Variants in RBFOX1 observed in about 807,000 individuals in gnomAD.
The protein encoded by RBFOX1 is RNA binding protein fox-1 homolog 1.
Under a neutral mutation model 57.7 loss-of-function variants are expected in RBFOX1, and 8 were observed. The ratio of observed to expected loss-of-function variants is 0.14; its 90% CI spans 0.08 to 0.25. The LOEUF (loss-of-function observed/expected upper bound fraction) is 0.25, where lower values mean the gene tolerates loss of function less well. RBFOX1 is among the 10% of genes least tolerant of loss of function. RBFOX1 has a pLI of 1.00. For missense variants in RBFOX1, 611 were observed against 548.5 expected, an observed-to-expected ratio of 1.11 and a Z score of -1.14; for synonymous variants, 326 against 222.4, an observed-to-expected ratio of 1.47 and a Z score of -4.15.
Position 6,780,385 on chromosome 16 carries a change from A to T in RBFOX1, c.-16+125735A>T, listed in dbSNP as rs1229835911. Among the ~76,000 whole-genome samples, 412 of 83,426 alleles carry T rather than the reference A, an allele frequency of 4.9e-3. 44 individuals are homozygous for T. The highest frequency in any genetic ancestry group is 0.023 in the African/African-American group (398 of 17,676). The allele number at this position is 83,426 out of a possible 152,430, so 54.7% of individuals were successfully genotyped here. On this transcript the variant is annotated intron_variant, in intron 3 of 15. Coordinates refer to ENST00000550418, the MANE Select transcript of RBFOX1 (RefSeq NM_018723.4). Reference sequence around the variant, plus strand: ...TACATATTTATAGATATATTTATACATATTATATATATTTTTATATATATT... The same window carrying T: ...TACATATTTATAGATATATTTATACTTATTATATATATTTTTATATATATT...
At chr16:6,421,032 G>T (rs1382247241) in intron 2 of RBFOX1, among the ~76,000 whole-genome samples, 1 of 152,148 alleles carries the variant, frequency 6.6e-6, no homozygotes, top group East Asian at 1.9e-4. Context: ...ATTCCTCAAT[G>T]GCTAATTGCT....
intron 4 of RBFOX1, among the ~76,000 whole-genome samples, chr16:7,065,126 G>T (rs1308812083): frequency 6.6e-6 from 1 of 152,212 alleles, no homozygotes; most frequent in Non-Finnish European, 1.5e-5. Context: ...GACCAATTCT[G>T]TATGGAGACG....
At chr16:7,583,638 C>T (rs762517972) in intron 6 of RBFOX1, among the ~76,000 whole-genome samples, 5 of 152,138 alleles carry the variant, frequency 3.3e-5, no homozygotes, top group Non-Finnish European at 5.9e-5. Flanking sequence ...CTCAAATTTA[C>T]ACAACACCCT....
intron 2 of RBFOX1, among the ~76,000 whole-genome samples, chr16:6,464,113 G>A (rs780431203): frequency 1.3e-5 from 2 of 152,178 alleles, no homozygotes; most frequent in Non-Finnish European, 2.9e-5. Flanking sequence ...TCATCGAAAT[G>A]TGGGCCACAT....
At chr16:7,108,033 G>A (rs978202722) in intron 4 of RBFOX1, among the ~76,000 whole-genome samples, 1 of 151,938 alleles carries the variant, frequency 6.6e-6, no homozygotes, top group Non-Finnish European at 1.5e-5. Context: ...GGGGGAGAGG[G>A]TAGAGAGGTG....
chr16:7,131,990 T>C (rs1404448606), intron 4 of RBFOX1, among the ~76,000 whole-genome samples: 1 of 117,978 alleles, frequency 8.5e-6, no homozygotes, highest in Non-Finnish European at 1.7e-5. Flanking sequence ...AGAGTCCTTT[T>C]TTTCTTTCTT....
At chr16:7,317,974 G>A (rs1401757473) in intron 4 of RBFOX1, among the ~76,000 whole-genome samples, 2 of 152,112 alleles carry the variant, frequency 1.3e-5, no homozygotes, top group South Asian at 2.1e-4. Flanking sequence ...GGTGGTGATG[G>A]TGGTGGTGAT....
intron 1 of RBFOX1, among the ~76,000 whole-genome samples, chr16:6,160,323 T>G (rs1353310831): frequency 6.6e-6 from 1 of 152,180 alleles, no homozygotes; most frequent in Non-Finnish European, 1.5e-5. Context: ...TATATATAGA[T>G]AGTAAAGTGG....
intron 14 of RBFOX1, among the ~76,000 whole-genome samples, chr16:7,701,596 C>T (rs915296523): frequency 2.0e-5 from 3 of 152,172 alleles, no homozygotes; most frequent in Non-Finnish European, 2.9e-5. Context: ...AGGCCAGGGA[C>T]TTCTCCTCTA....
At position 7,418,518 on chromosome 16, in the gene RBFOX1, C is replaced by T. The variant is rs150748164; in HGVS notation, c.28-99629C>T. Reference sequence around the variant, plus strand: ...CTGCCTGACACAACATTTCTGTTTTCCTGATGGCTTATCTGATGCCATTAA... The same window carrying T: ...CTGCCTGACACAACATTTCTGTTTTTCTGATGGCTTATCTGATGCCATTAA... On this transcript the variant is annotated intron_variant, in intron 4 of 15. Coordinates refer to ENST00000550418, the MANE Select transcript of RBFOX1 (RefSeq NM_018723.4). Among the ~76,000 whole-genome samples the T allele has an allele frequency of 9.7e-4, 148 of 152,302 alleles. 2 individuals are homozygous for T. The highest frequency in any genetic ancestry group is 8.5e-3 in the Admixed American group (130 of 15,306).
In RBFOX1 at chr16:5,247,209, A is replaced by G. The variant is rs370141618; in HGVS notation, c.219+7104A>G. Reference sequence around the variant, plus strand: ...GGGGGAAAAGATTCACTCTAAGTCTAGATGCTCTAGCACCCACCCAGGATG... The same window carrying G: ...GGGGGAAAAGATTCACTCTAAGTCTGGATGCTCTAGCACCCACCCAGGATG... On this transcript the variant is annotated intron_variant, in intron 1 of 2. Coordinates refer to the RBFOX1 transcript ENST00000585867. Among the ~76,000 whole-genome samples, 14 of 152,316 alleles carry G rather than the reference A, an allele frequency of 9.2e-5. 1 individual carries two copies. In the South Asian group the frequency reaches 2.5e-3, roughly 27 times the overall value.
chr16:6,240,301 T>C (rs1019467139), intron 1 of RBFOX1, among the ~76,000 whole-genome samples: 1 of 152,176 alleles, frequency 6.6e-6, no homozygotes, highest in East Asian at 1.9e-4. Flanking sequence ...CCTAACACGG[T>C]GTCCTATATG....
chr16:7,551,240 A>G (rs757504359), intron 5 of RBFOX1, among the ~76,000 whole-genome samples: 17 of 152,100 alleles, frequency 1.1e-4, no homozygotes, highest in African/African-American at 3.1e-4. Context: ...TTTCCATGCA[A>G]CCAACCACCA....
intron 1 of RBFOX1, among the ~76,000 whole-genome samples, chr16:5,247,580 A>T (rs2062334020): frequency 6.6e-6 from 1 of 152,212 alleles, no homozygotes; most frequent in South Asian, 2.1e-4. Flanking sequence ...CAGGCCAGAG[A>T]CAGCCCCCTG....
intron 2 of RBFOX1, among the ~76,000 whole-genome samples, chr16:6,558,404 C>A (rs1034031124): frequency 6.6e-6 from 1 of 152,116 alleles, no homozygotes; most frequent in African/African-American, 2.4e-5. Flanking sequence ...AAGAGTTTAT[C>A]CTGAACTGTG....
chr16:6,769,551 G>A (rs533188563), intron 3 of RBFOX1, among the ~76,000 whole-genome samples: 2 of 152,286 alleles, frequency 1.3e-5, no homozygotes, highest in African/African-American at 4.8e-5. Flanking sequence ...GCTGTTTCCT[G>A]TTTTTGCCTA....
chr16:5,725,724 T>A (rs1277598502), intron 3 of RBFOX1, among the ~76,000 whole-genome samples: 1 of 151,860 alleles, frequency 6.6e-6, no homozygotes, highest in Non-Finnish European at 1.5e-5. Flanking sequence ...CACTGGGACA[T>A]CTTTTTGCTG....
intron 3 of RBFOX1, among the ~76,000 whole-genome samples, chr16:6,988,738 T>TTTTTTTTTTTG (rs1555723575): frequency 4.4e-5 from 3 of 68,266 alleles, no homozygotes; most frequent in African/African-American, 2.4e-4. Flanking sequence ...CTAATTTTTT[T>TTTTTTTTTTTG]TTTTGTTTGT....
chr16:6,018,053 G>C (rs1319584591), upstream of RBFOX1, among the ~76,000 whole-genome samples: 1 of 152,108 alleles, frequency 6.6e-6, no homozygotes, highest in Non-Finnish European at 1.5e-5. Context: ...GGGGAGTCCT[G>C]GTTCCTTGCC....
Sources: allele counts gnomAD v4.1 joint callset (sites outside exome capture counted in the v4.1 genomes callset), GRCh38; gene constraint gnomAD v4.1.1; transcripts MANE v1.5; gene names NCBI Gene and HGNC (gene_info 2026-07-23, HGNC 2026-07-21).